The following IQGAP2 variants were observed in gnomAD, a reference collection of about 807,000 sequenced individuals.
The protein encoded by IQGAP2 is ras GTPase-activating-like protein IQGAP2.
A neutral mutation model predicts 201.3 loss-of-function variants in IQGAP2; 173 were observed. The observed-to-expected ratio is 0.86, with a 90% CI of 0.76 to 0.98. The LOEUF (loss-of-function observed/expected upper bound fraction) is 0.98. IQGAP2 is among the 50% of genes least tolerant of loss of function. IQGAP2 has a pLI of 0.00. For synonymous variants in IQGAP2, 675 were observed against 673.9 expected (o/e 1.00, Z -0.03); for missense variants, 1,687 against 1,864.8 (o/e 0.90, Z 1.76).
intron 18 of IQGAP2, 111 bp from the exon 19 acceptor site, chr5:76,654,089 A>G (rs1334121865): frequency 1.5e-6 from 1 of 653,860 alleles, no homozygotes; most frequent in African/African-American, 1.9e-5. Context: ...TTTATCAAGT[A>G]TCATTGTTTT....
At chr5:76,665,315 T>C (rs1743656383) in intron 22 of IQGAP2, 140 bp downstream of exon 22, 1 of 712,760 alleles carries the variant, frequency 1.4e-6, no homozygotes, top group African/African-American at 1.8e-5. Flanking sequence ...AGTGCTGTTG[T>C]TGGTGCTTTA....
chr5:76,677,443 C>A, intron 28 of IQGAP2, 93 bp downstream of exon 28: 1 of 1,167,352 alleles, frequency 8.6e-7, no homozygotes. Flanking sequence ...ACTTATTGTA[C>A]ACATGTGCTA....
Position 76,658,578 on chromosome 5 carries a change from A to C in IQGAP2, c.2440A>C (p.Lys814Gln), listed in dbSNP as rs771854362. The C allele has an allele frequency of 6.2e-7, 1 of 1,614,134 alleles. No individual in the cohort carries two copies. The highest frequency in any genetic ancestry group is 1.1e-5 in the South Asian group (1 of 91,060). The change falls in exon 21 of 36, where the codon AAG becomes CAG. Residue 814 changes from lysine (K) to glutamine (Q), a missense_variant. Transcript: ENST00000274364. ...VARLREEVVT[K>Q]IRANQQLEKD... ...ACGATTAAGGGAAGAAGTAGTGACCAAGATCAGGGCCAATCAACAGCTGGA... is the reference window on the plus strand; with the variant it reads ...ACGATTAAGGGAAGAAGTAGTGACCCAGATCAGGGCCAATCAACAGCTGGA...
chr5:76,702,402 T>G, intron 34 of IQGAP2, 80 bp from the exon 35 acceptor site: 3 of 705,604 alleles, frequency 4.3e-6, no homozygotes, highest in Non-Finnish European at 7.5e-6. Context: ...AATGATTATT[T>G]GAGATTCCAT....
At chr5:76,429,615 CATATATAAATTT>C (rs1561365146) in intron 1 of IQGAP2, among the ~76,000 whole-genome samples, 1 of 140,052 alleles carries the variant, frequency 7.1e-6, no homozygotes, top group African/African-American at 2.7e-5. Flanking sequence ...TATATATATA[CATATATAAATTT>C]ATATATATAC....
chr5:76,447,023 C>T (rs1367893465), intron 1 of IQGAP2, among the ~76,000 whole-genome samples: 1 of 152,210 alleles, frequency 6.6e-6, no homozygotes, highest in Non-Finnish European at 1.5e-5. Flanking sequence ...CGACCAGTTT[C>T]CAGAAGGCTC....
chr5:76,585,027 A>G (rs1746142518), intron 5 of IQGAP2, among the ~76,000 whole-genome samples: 1 of 152,276 alleles, frequency 6.6e-6, no homozygotes, highest in South Asian at 2.1e-4. Flanking sequence ...AATTTGGTAT[A>G]GATAAAATCA....
At chr5:76,460,788 T>C (rs1048334776) in intron 1 of IQGAP2, among the ~76,000 whole-genome samples, 5 of 151,336 alleles carry the variant, frequency 3.3e-5, no homozygotes, top group Admixed American at 2.0e-4. Context: ...CAATGGAAAA[T>C]TGGGAGTGGT....
At chr5:76,483,583 C>T (rs2150147080) in intron 2 of IQGAP2, among the ~76,000 whole-genome samples, 1 of 152,268 alleles carries the variant, frequency 6.6e-6, no homozygotes, top group African/African-American at 2.4e-5. Flanking sequence ...GTGGGCAGCA[C>T]GTAGACTGGG....
At chr5:76,668,575 A>G in intron 22 of IQGAP2, 106 bp from the exon 23 acceptor site, 1 of 838,764 alleles carries the variant, frequency 1.2e-6, no homozygotes, top group Non-Finnish European at 1.9e-6. Flanking sequence ...TAGTGACATT[A>G]AGTCATTGAA....
At chr5:76,591,844 C>G (rs1455187342) in intron 8 of IQGAP2, among the ~76,000 whole-genome samples, 5 of 152,176 alleles carry the variant, frequency 3.3e-5, no homozygotes, top group Non-Finnish European at 7.3e-5. Context: ...GTCTGTGTCC[C>G]TCTGGCTTTG....
At chr5:76,551,046 G>T (rs12513678) in intron 2 of IQGAP2, among the ~76,000 whole-genome samples, 9,052 of 141,620 alleles carry the variant, frequency 0.064, 685 homozygotes, top group East Asian at 0.44. Flanking sequence ...CTCACTTCCC[G>T]GACGGGGTGG....
chr5:76,492,772 C>T (rs552050775), intron 2 of IQGAP2, among the ~76,000 whole-genome samples: 9 of 152,270 alleles, frequency 5.9e-5, no homozygotes, highest in East Asian at 1.9e-4. Context: ...AGACACAGTC[C>T]GCTCTTCACT....
rs200940839 is a variant in IQGAP2, at chr5:76,673,589, C to A, written c.3209C>A (p.Pro1070His). ...ATCATTTCTTCCCTTGATCTACTGC[C>A]GTAAGTTGTACTTGCAGCAAGTTTA... ...NSIISSLDLLPYGLRYIAKVL... is the reference protein window; with the variant it reads ...NSIISSLDLLHYGLRYIAKVL... Residue 1070 changes from proline to histidine, a missense_variant and splice_region_variant, in exon 25 of 36, where the codon CCT becomes CAT. Physicochemically the swap from Pro to His is moderately conservative, Grantham distance 77 (BLOSUM62 -2). Transcript: ENST00000274364. 6.2e-7 allele frequency: 1 copy of A among 1,612,950 alleles called. No individual in the cohort carries two copies. Among genetic ancestry groups the A allele is most frequent in the Admixed American group, 1.7e-5 (1 of 59,706 alleles).
At chr5:76,587,081 A>G (rs1041949037) in intron 5 of IQGAP2, among the ~76,000 whole-genome samples, 4 of 152,220 alleles carry the variant, frequency 2.6e-5, no homozygotes, top group Non-Finnish European at 5.9e-5. Flanking sequence ...CAATTTATCA[A>G]TTGGGTTATT....
intron 1 of IQGAP2, among the ~76,000 whole-genome samples, chr5:76,407,387 C>T (rs993024956): frequency 2.0e-5 from 3 of 152,116 alleles, no homozygotes; most frequent in Non-Finnish European, 2.9e-5. Context: ...TATCCATCTA[C>T]GATGACCAAT....
chr5:76,572,737 C>T (rs1037081980), intron 4 of IQGAP2, among the ~76,000 whole-genome samples: 5 of 152,090 alleles, frequency 3.3e-5, no homozygotes, highest in Non-Finnish European at 5.9e-5. Context: ...CATGCCTGGC[C>T]TGTACAGCTA....
intron 13 of IQGAP2, among the ~76,000 whole-genome samples, chr5:76,622,554 G>A (rs1749802865): frequency 1.3e-5 from 2 of 152,184 alleles, no homozygotes; most frequent in African/African-American, 2.4e-5. Context: ...AAAGCAGGAG[G>A]TTTCAGGCTA....
At chr5:76,443,069 G>C (rs1294500154) in intron 1 of IQGAP2, among the ~76,000 whole-genome samples, 2 of 152,142 alleles carry the variant, frequency 1.3e-5, no homozygotes, top group Non-Finnish European at 2.9e-5. Flanking sequence ...CAAATCTAAA[G>C]GGACATGCAA....
Sources: gnomAD v4.1 joint callset for allele counts (sites outside exome capture counted in the v4.1 genomes callset) on GRCh38, gnomAD v4.1.1 for gene constraint, MANE v1.5 for transcripts, NCBI Gene and HGNC (gene_info 2026-07-23, HGNC 2026-07-21) for gene names.